The following MAPRE2 variants were observed in gnomAD, a reference collection of about 807,000 sequenced individuals.
MAPRE2 encodes microtubule associated protein RP/EB family member 2.
MAPRE2 carries 13 observed loss-of-function variants against 43.2 expected under a neutral mutation model. The ratio of observed to expected loss-of-function variants is 0.30; its 90% CI spans 0.20 to 0.48. The LOEUF (loss-of-function observed/expected upper bound fraction) is 0.48, where lower values mean the gene tolerates loss of function less well. MAPRE2 is among the 20% of genes least tolerant of loss of function. The pLI is 0.99. For synonymous variants in MAPRE2, 135 were observed against 148.8 expected, an observed-to-expected ratio of 0.91 and a Z score of 0.68; for missense variants, 161 against 400.2, an observed-to-expected ratio of 0.40 and a Z score of 5.10.
At chr18:34,986,651 A>G (rs868397372) in intron 1 of MAPRE2, among the ~76,000 whole-genome samples, 17 of 152,306 alleles carry the variant, frequency 1.1e-4, no homozygotes, top group Admixed American at 5.9e-4. Flanking sequence ...TGGCAAATCC[A>G]GAAGCAATTC....
At chr18:35,005,245 A>G (rs2053556384) in intron 1 of MAPRE2, among the ~76,000 whole-genome samples, 1 of 152,224 alleles carries the variant, frequency 6.6e-6, no homozygotes, top group South Asian at 2.1e-4. Flanking sequence ...CTAAATTTTT[A>G]TCAACTATTA....
At chr18:35,041,770 T>G (rs887916740) in intron 1 of MAPRE2, 109 bp downstream of exon 1, 38 of 1,566,428 alleles carry the variant, frequency 2.4e-5, no homozygotes, top group Middle Eastern at 1.7e-4. Flanking sequence ...GCTGCAGGCA[T>G]GCATTTGTGA....
chr18:35,053,284 C>T (rs535788193), intron 1 of MAPRE2, among the ~76,000 whole-genome samples: 1 of 152,208 alleles, frequency 6.6e-6, no homozygotes, highest in South Asian at 2.1e-4. Flanking sequence ...ATCCCAGCTA[C>T]CTGTGAGGCT....
chr18:35,087,747 T>C (rs370561919), intron 2 of MAPRE2, among the ~76,000 whole-genome samples: 3 of 152,346 alleles, frequency 2.0e-5, no homozygotes, highest in African/African-American at 4.8e-5. Context: ...TTGAAACTTA[T>C]ATTGCAGCGA....
chr18:35,111,659 C>A (rs953530619), intron 4 of MAPRE2, among the ~76,000 whole-genome samples: 2 of 152,174 alleles, frequency 1.3e-5, no homozygotes, highest in African/African-American at 2.4e-5. Context: ...GGGGATCTAA[C>A]CTTAGCCTCA....
In MAPRE2 at chr18:35,141,966, G is replaced by A. The variant is rs1184732903; in HGVS notation, c.*1597G>A. 6.6e-6 allele frequency: 1 copy of A among 152,222 alleles called. No individual in the cohort carries two copies. The highest frequency in any genetic ancestry group is 2.4e-5 in the African/African-American group (1 of 41,452). The allele number at this position is 152,222 out of a possible 1,614,324, so 9.4% of individuals were successfully genotyped here. ...CAAAATAAATCTTTTGCAGCAAAGT[G>A]ATATTTATTGAGTTATGTGGAAAAG... On this transcript the variant is annotated 3_prime_UTR_variant, in exon 7 of 7. Coordinates refer to ENST00000300249, the MANE Select transcript of MAPRE2 (RefSeq NM_014268.4).
chr18:35,127,243 A>G (rs1909948445), intron 5 of MAPRE2, 156 bp downstream of exon 5: 2 of 697,730 alleles, frequency 2.9e-6, no homozygotes, highest in Admixed American at 2.9e-5. Context: ...CGAAGACAAA[A>G]TCAGTAGCCC....
At chr18:35,065,252 C>T (rs1276679930) in intron 1 of MAPRE2, among the ~76,000 whole-genome samples, 4 of 151,424 alleles carry the variant, frequency 2.6e-5, no homozygotes, top group Non-Finnish European at 4.4e-5. Flanking sequence ...GAGCCAAGAT[C>T]GCGCTGCTGC....
chr18:35,127,003 A>G lies in MAPRE2; in HGVS notation c.666A>G (p.Ser222=), dbSNP rs140220395. The G allele has an allele frequency of 1.7e-5, 27 of 1,614,060 alleles. No homozygotes were observed. The highest frequency in any genetic ancestry group is 4.0e-5 in the African/African-American group (3 of 74,934). The change falls in exon 5 of 7, where the codon TCA becomes TCG. Residue 222 remains serine (S), a synonymous_variant. Transcript: ENST00000300249. The stretch of plus-strand genomic sequence containing the variant: ...CAGGATCCACACCTTCTCGACCCTC[A>G]TCAGCCAAAAGGGCTTCTTCCAGTG... ...AKPGSTPSRP[S]SAKRASSSGS... is the part of the protein sequence containing the mutation.
intron 5 of MAPRE2, among the ~76,000 whole-genome samples, chr18:35,131,397 A>G (rs1285302408): frequency 3.3e-5 from 5 of 152,182 alleles, no homozygotes; most frequent in Admixed American, 6.5e-5. Flanking sequence ...ACTTATAAAC[A>G]ACAGAAATTT....
intron 2 of MAPRE2, among the ~76,000 whole-genome samples, chr18:35,016,596 A>C (rs932159058): frequency 6.6e-6 from 1 of 151,962 alleles, no homozygotes; most frequent in Non-Finnish European, 1.5e-5. Flanking sequence ...TGCCACTTGT[A>C]TGTCTTCTTT....
intron 1 of MAPRE2, among the ~76,000 whole-genome samples, chr18:35,002,994 T>C (rs2097030101): frequency 1.3e-5 from 2 of 152,076 alleles, no homozygotes; most frequent in African/African-American, 4.8e-5. Context: ...GATTTTCTCC[T>C]GTTTTTTGTT....
intron 1 of MAPRE2, among the ~76,000 whole-genome samples, chr18:34,991,360 G>A (rs755402263): frequency 9.9e-5 from 15 of 152,138 alleles, no homozygotes; most frequent in Non-Finnish European, 2.1e-4. Context: ...TTGAGTAACA[G>A]GAGAGACCGA....
intron 2 of MAPRE2, among the ~76,000 whole-genome samples, chr18:35,027,222 AC>A (rs2097045690): frequency 6.6e-6 from 1 of 152,152 alleles, no homozygotes; most frequent in African/African-American, 2.4e-5. Flanking sequence ...TAGTTATGTT[AC>A]CAGTGGTGTT....
At chr18:35,027,534 C>G (rs2097045872) in intron 2 of MAPRE2, among the ~76,000 whole-genome samples, 1 of 152,158 alleles carries the variant, frequency 6.6e-6, no homozygotes, top group Admixed American at 6.5e-5. Context: ...AGCAGTCAGT[C>G]ACCTTCCAAC....
chr18:34,984,326 A>G (rs2097017903), intron 1 of MAPRE2: 1 of 152,144 alleles, frequency 6.6e-6, no homozygotes, highest in Non-Finnish European at 1.5e-5. Context: ...GGAGTTTGCT[A>G]TGAGTTTCAT....
chr18:34,981,453 G>C (rs1006322673), intron 1 of MAPRE2, among the ~76,000 whole-genome samples: 1 of 152,028 alleles, frequency 6.6e-6, no homozygotes, highest in South Asian at 2.1e-4. Context: ...TATATACCTA[G>C]CTCTGTAATA....
intron 2 of MAPRE2, among the ~76,000 whole-genome samples, chr18:35,030,341 G>C: frequency 6.6e-6 from 1 of 152,114 alleles, no homozygotes; most frequent in Non-Finnish European, 1.5e-5. Flanking sequence ...GCAACCATCA[G>C]CTATCTCATC....
At chr18:35,097,314 T>C (rs1908474516) in intron 2 of MAPRE2, 132 bp from the exon 3 acceptor site, 1 of 761,776 alleles carries the variant, frequency 1.3e-6, no homozygotes, top group South Asian at 1.9e-5. Context: ...TATAAGCGCA[T>C]TGGTAAGAAG....
Sources: gnomAD v4.1 joint callset for allele counts (sites outside exome capture counted in the v4.1 genomes callset) on GRCh38, gnomAD v4.1.1 for gene constraint, MANE v1.5 for transcripts, NCBI Gene and HGNC (gene_info 2026-07-23, HGNC 2026-07-21) for gene names.